The following TTC28 variants were observed in gnomAD, a reference collection of about 807,000 sequenced individuals.
TTC28 encodes tetratricopeptide repeat domain 28, also known as tetratricopeptide repeat protein 28.
Under a neutral mutation model 198.0 loss-of-function variants are expected in TTC28, and 61 were observed. The ratio of observed to expected loss-of-function variants is 0.31; its 90% CI spans 0.25 to 0.38. The LOEUF (loss-of-function observed/expected upper bound fraction) is 0.38, where lower values mean the gene tolerates loss of function less well. Ranked by LOEUF, TTC28 falls within the 10% of genes least tolerant of loss-of-function variation. The pLI is 1.00. For missense variants in TTC28, 2,678 were observed against 3,164.0 expected, an observed-to-expected ratio of 0.85 and a Z score of 3.69; for synonymous variants, 1,171 against 1,297.8, an observed-to-expected ratio of 0.90 and a Z score of 2.10.
At chr22:28,051,097 G>A (rs998894542) in intron 12 of TTC28, among the ~76,000 whole-genome samples, 5 of 152,148 alleles carry the variant, frequency 3.3e-5, no homozygotes, top group East Asian at 3.9e-4. Flanking sequence ...GGCAACAACC[G>A]GGGGTAGGGA....
chr22:28,300,292 G>A (rs2044993542), intron 3 of TTC28, among the ~76,000 whole-genome samples: 1 of 152,170 alleles, frequency 6.6e-6, no homozygotes, highest in Admixed American at 6.5e-5. Context: ...AGCCCAAACT[G>A]ACTGATAGCT....
intron 5 of TTC28, among the ~76,000 whole-genome samples, chr22:28,166,723 A>G (rs1044562279): frequency 1.3e-5 from 2 of 152,244 alleles, no homozygotes; most frequent in Non-Finnish European, 1.5e-5. Flanking sequence ...GAAAGCAGGA[A>G]AGATCTAAAA....
intron 2 of TTC28, among the ~76,000 whole-genome samples, chr22:28,441,951 G>A (rs1206902907): frequency 6.6e-6 from 1 of 151,532 alleles, no homozygotes; most frequent in Admixed American, 6.6e-5. Context: ...ACAGTTAGGG[G>A]CAGTCAGACA....
chr22:28,036,228 TAATAA>T (rs775448157), intron 12 of TTC28, among the ~76,000 whole-genome samples: 3 of 151,746 alleles, frequency 2.0e-5, no homozygotes, highest in African/African-American at 2.4e-5. Context: ...TAAAATTGAA[TAATAA>T]AATAAAATAA....
chr22:28,663,712 G>C (rs909469865), intron 1 of TTC28, among the ~76,000 whole-genome samples: 1 of 142,500 alleles, frequency 7.0e-6, no homozygotes, highest in African/African-American at 2.6e-5. Flanking sequence ...CGGCAGCCAG[G>C]CTGGGGGAGG....
At chr22:28,671,684 T>A (rs1406170829) in intron 1 of TTC28, among the ~76,000 whole-genome samples, 1 of 144,362 alleles carries the variant, frequency 6.9e-6, no homozygotes, top group African/African-American at 2.5e-5. Context: ...TTTGTTTTCA[T>A]TTTTTTTTTG....
At position 27,980,022 on chromosome 22, in the gene TTC28, TGGG is replaced by T. The variant is rs1473326270; in HGVS notation, c.*2196_*2198del. The stretch of plus-strand genomic sequence containing the variant: ...ATAACCACAGGAAGCGGCAGGGTGG[TGGG>T]GGTGTTTGCTAGAGAGGGGCAAATA... On this transcript the variant is annotated 3_prime_UTR_variant, in exon 23 of 23. Coordinates refer to ENST00000397906, the MANE Select transcript of TTC28 (RefSeq NM_001145418.2). The T allele has an allele frequency of 6.6e-6, 1 of 151,976 alleles. No homozygotes were observed. 9.4% of individuals were successfully genotyped at this position (151,976 alleles called of 1,614,324 possible).
At position 28,075,057 on chromosome 22, in the gene TTC28, C is replaced by T. The variant is rs191388626; in HGVS notation, c.3932+19023G>A. The stretch of plus-strand genomic sequence containing the variant: ...GAGCCAAGATTGCACCAACGCACTA[C>T]AGCCTGGATAACAGAGAGAGATTCT... On this transcript the variant is annotated intron_variant, in intron 12 of 22. Coordinates refer to ENST00000397906, the MANE Select transcript of TTC28 (RefSeq NM_001145418.2). Among the ~76,000 whole-genome samples, 125 of 152,076 alleles carry T rather than the reference C, an allele frequency of 8.2e-4. No homozygotes were observed. In the South Asian group the frequency reaches 8.3e-3, roughly 10 times the overall value.
At chr22:28,464,563 G>T (rs1444823883) in intron 2 of TTC28, among the ~76,000 whole-genome samples, 1 of 152,038 alleles carries the variant, frequency 6.6e-6, no homozygotes, top group Admixed American at 6.6e-5. Context: ...CTATGAAAAA[G>T]ACTAAATTAA....
At chr22:28,558,861 C>G (rs1296600916) in intron 2 of TTC28, among the ~76,000 whole-genome samples, 2 of 151,852 alleles carry the variant, frequency 1.3e-5, no homozygotes, top group African/African-American at 4.8e-5. Flanking sequence ...ATGGCAAAAC[C>G]CTGTCTCTAC....
At chr22:28,335,379 C>T (rs1389851670) in intron 2 of TTC28, among the ~76,000 whole-genome samples, 4 of 152,220 alleles carry the variant, frequency 2.6e-5, no homozygotes, top group African/African-American at 7.2e-5. Flanking sequence ...TAGTTTTTTC[C>T]AATTCTGTGA....
At chr22:28,554,588 A>C (rs968246592) in intron 2 of TTC28, among the ~76,000 whole-genome samples, 2 of 152,160 alleles carry the variant, frequency 1.3e-5, no homozygotes, top group Non-Finnish European at 2.9e-5. Context: ...TAATCAGCAG[A>C]GGTCTGGCAC....
intron 2 of TTC28, among the ~76,000 whole-genome samples, chr22:28,622,528 C>T (rs1312730942): frequency 6.8e-6 from 1 of 147,122 alleles, no homozygotes; most frequent in East Asian, 1.9e-4. Context: ...CAATAAATAG[C>T]ATGAAAAGAA....
chr22:28,185,937 C>T (rs1445665551), intron 5 of TTC28, among the ~76,000 whole-genome samples: 1 of 152,156 alleles, frequency 6.6e-6, no homozygotes, highest in Non-Finnish European at 1.5e-5. Context: ...TATTGCACTC[C>T]TTCCTCCAGA....
At chr22:28,651,313 T>TTTTTTTTTTTTTTTTTTTTTTTG (rs2051560282) in intron 1 of TTC28, among the ~76,000 whole-genome samples, 1 of 149,412 alleles carries the variant, frequency 6.7e-6, no homozygotes, top group African/African-American at 2.5e-5. Flanking sequence ...TGTCACTCCT[T>TTTTTTTTTTTTTTTTTTTTTTTG]TTTTTTGAGA....
chr22:28,010,111 G>A (rs917741325), intron 14 of TTC28, among the ~76,000 whole-genome samples: 1 of 152,132 alleles, frequency 6.6e-6, no homozygotes, highest in Non-Finnish European at 1.5e-5. Context: ...GCCTGTGGGC[G>A]GGTTCAGGGG....
At position 28,333,600 on chromosome 22, in the gene TTC28, T is replaced by A. The variant is rs6005761; in HGVS notation, c.382-26957A>T. ...ATCTTCAATTCTGAACTGATCATTT[T>A]GTGTTTCTAACCACACTTCTATAGC... On this transcript the variant is annotated intron_variant, in intron 2 of 22. Coordinates refer to ENST00000397906, the MANE Select transcript of TTC28 (RefSeq NM_001145418.2). Among the ~76,000 whole-genome samples, 441 of 152,268 alleles carry A rather than the reference T, an allele frequency of 2.9e-3. 2 individuals are homozygous for A. The highest frequency in any genetic ancestry group is 9.4e-3 in the African/African-American group (390 of 41,586).
chr22:28,622,827 AT>A (rs577442473), intron 2 of TTC28, among the ~76,000 whole-genome samples: 147 of 147,766 alleles, frequency 9.9e-4, no homozygotes, highest in Admixed American at 1.6e-3. Context: ...GACAAAATAG[AT>A]TTTTTTTTTT....
rs771973932 is a variant in TTC28, at chr22:27,982,314, G to A, written c.7353C>T (p.Pro2451=). ...LGSLPLPAGP[P]ATAPARPLRL... ...TCAAAGGGCGCGCGGGGGCTGTGGC[G>A]GGAGGGCCGGCGGGCAGCGGCAGTG... Residue 2451 remains proline (P), a synonymous_variant, in exon 23 of 23, where the codon CCC becomes CCT. Transcript: ENST00000397906. The surrounding 1 kb of genome is among the most constrained non-coding windows in gnomAD (Gnocchi z 5.2). 319 of 1,526,532 alleles carry A rather than the reference G, an allele frequency of 2.1e-4. No individual in the cohort carries two copies. The highest frequency in any genetic ancestry group is 2.3e-4 in the Non-Finnish European group (257 of 1,133,780). 94.6% of individuals were successfully genotyped at this position (1,526,532 alleles called of 1,614,324 possible).
Sources: allele counts gnomAD v4.1 joint callset (sites outside exome capture counted in the v4.1 genomes callset), GRCh38; gene constraint gnomAD v4.1.1; non-coding constraint Gnocchi (gnomAD v3.1); transcripts MANE v1.5; gene names NCBI Gene and HGNC (gene_info 2026-07-23, HGNC 2026-07-21).